The following MID2 variants were observed in gnomAD, a reference collection of about 807,000 sequenced individuals.
The protein encoded by MID2 is probable E3 ubiquitin-protein ligase MID2.
MID2 carries 13 observed loss-of-function variants against 46.1 expected under a neutral mutation model. The observed-to-expected ratio is 0.28, with a 90% CI of 0.18 to 0.45. The LOEUF is 0.45. Among genes scored for constraint, MID2 ranks in the 20% least tolerant of loss-of-function variants. The pLI, the probability that MID2 is intolerant of heterozygous loss-of-function variation, is 1.00. For missense variants in MID2, 431 were observed against 575.4 expected, an observed-to-expected ratio of 0.75 and a Z score of 2.57; for synonymous variants, 199 against 212.3, an observed-to-expected ratio of 0.94 and a Z score of 0.55.
intron 3 of MID2, among the ~76,000 whole-genome samples, chrX:107,861,662 A>G (rs1180026188): frequency 8.9e-6 from 1 of 112,594 alleles, no homozygotes; most frequent in Non-Finnish European, 1.9e-5. Context: ...GCAGGTTGCA[A>G]GAAGTTTGAT....
intron 1 of MID2, among the ~76,000 whole-genome samples, chrX:107,831,503 G>T (rs764815739): frequency 6.2e-5 from 7 of 112,040 alleles, no homozygotes; most frequent in East Asian, 2.8e-4. Context: ...TAGAAAAATG[G>T]TTTACGATCC....
chrX:107,914,668 G>A (rs554539610), intron 5 of MID2, among the ~76,000 whole-genome samples: 1 of 112,031 alleles, frequency 8.9e-6, no homozygotes, highest in African/African-American at 3.2e-5. Flanking sequence ...ACATGTTCAA[G>A]GATCTCATTG....
chrX:107,865,935 T>C (rs1447709180), intron 3 of MID2, among the ~76,000 whole-genome samples: 1 of 112,679 alleles, frequency 8.9e-6, no homozygotes, highest in Non-Finnish European at 1.9e-5. Context: ...AAAGATGTCT[T>C]ATTAGAAAAA....
intron 3 of MID2, among the ~76,000 whole-genome samples, chrX:107,874,788 G>A (rs954255631): frequency 9.0e-6 from 1 of 111,675 alleles, no homozygotes; most frequent in African/African-American, 3.3e-5. Flanking sequence ...TCAGTTGCTT[G>A]AGGGTTTTGG....
intron 2 of MID2, among the ~76,000 whole-genome samples, chrX:107,846,556 C>T (rs1382205285): frequency 1.8e-5 from 2 of 111,221 alleles, no homozygotes; most frequent in Admixed American, 9.5e-5. Context: ...TAAATCTGTA[C>T]ATATTTCATG....
intron 3 of MID2, among the ~76,000 whole-genome samples, chrX:107,901,683 T>A (rs1027780025): frequency 3.6e-5 from 4 of 111,364 alleles, no homozygotes; most frequent in Admixed American, 2.9e-4. Context: ...AATGGTATAA[T>A]TGAACTATAT....
intron 2 of MID2, among the ~76,000 whole-genome samples, chrX:107,845,492 A>AACACACAC (rs1177184448): frequency 1.2e-5 from 1 of 86,540 alleles, no homozygotes. Flanking sequence ...ATGGGAAAGT[A>AACACACAC]ACACACACAC....
chrX:107,923,454 G>GCCTA (rs2147875213), intron 7 of MID2, among the ~76,000 whole-genome samples: 1 of 111,975 alleles, frequency 8.9e-6, no homozygotes, highest in Non-Finnish European at 1.9e-5. Flanking sequence ...AAAAGCAGAA[G>GCCTA]CCTAGTTCTC....
At chrX:107,858,264 T>C (rs1470814850) in intron 3 of MID2, among the ~76,000 whole-genome samples, 1 of 111,869 alleles carries the variant, frequency 8.9e-6, no homozygotes, top group Non-Finnish European at 1.9e-5. Context: ...GCTCCAAGAC[T>C]CCCTTTAATC....
Position 107,858,918 on chromosome X carries a change from C to T in MID2, c.816+4214C>T, listed in dbSNP as rs757730232. Among the ~76,000 whole-genome samples, 3 of 111,930 alleles carry T rather than the reference C, an allele frequency of 2.7e-5. No individual in the cohort carries two copies. In the East Asian group the frequency reaches 8.4e-4, roughly 31 times the overall value. ...AATCCTTTTAAAGAGCTGGACGGCA[C>T]TGCTCTTTAGCATTAGGAGAAAGAA... is the stretch of plus-strand genomic sequence containing the variant. On this transcript the variant is annotated intron_variant, in intron 3 of 9. Transcript: ENST00000262843.
At chrX:107,899,954 C>G (rs2147860866) in intron 3 of MID2, among the ~76,000 whole-genome samples, 1 of 111,957 alleles carries the variant, frequency 8.9e-6, no homozygotes, top group Non-Finnish European at 1.9e-5. Flanking sequence ...CAGGGGCTTT[C>G]AAATGTCTTC....
chrX:107,906,385 C>T (rs767421863), intron 5 of MID2, among the ~76,000 whole-genome samples: 5 of 111,362 alleles, frequency 4.5e-5, no homozygotes, highest in Non-Finnish European at 9.4e-5. Flanking sequence ...ACATGGCTGA[C>T]TCATCTAATG....
chrX:107,900,742 A>G (rs1932788981), intron 3 of MID2, among the ~76,000 whole-genome samples: 1 of 111,990 alleles, frequency 8.9e-6, no homozygotes, highest in African/African-American at 3.2e-5. Context: ...CTTCCATTTC[A>G]TCCATGCATC....
At chrX:107,861,679 G>A (rs1931857982) in intron 3 of MID2, among the ~76,000 whole-genome samples, 1 of 112,493 alleles carries the variant, frequency 8.9e-6, no homozygotes, top group Non-Finnish European at 1.9e-5. Context: ...TGATCACGAA[G>A]GTGAAGCAAG....
chrX:107,913,447 A>C (rs1372576830), intron 5 of MID2, among the ~76,000 whole-genome samples: 1 of 112,191 alleles, frequency 8.9e-6, no homozygotes, highest in Non-Finnish European at 1.9e-5. Flanking sequence ...GTGTCAAAGA[A>C]GACTTATATT....
At chrX:107,889,550 C>T (rs1932548037) in intron 3 of MID2, among the ~76,000 whole-genome samples, 2 of 111,483 alleles carry the variant, frequency 1.8e-5, no homozygotes, top group African/African-American at 6.5e-5. Flanking sequence ...CTGCCCTTAA[C>T]ATTTTTTCCT....
chrX:107,832,540 G>A (rs1034691409), intron 1 of MID2, among the ~76,000 whole-genome samples: 4 of 111,372 alleles, frequency 3.6e-5, no homozygotes, highest in Middle Eastern at 9.3e-3. Context: ...ACAATAGCCC[G>A]TGAGATGGGC....
intron 3 of MID2, chrX:107,896,001 G>A (rs184141966): frequency 8.9e-6 from 1 of 112,311 alleles, no homozygotes; most frequent in Non-Finnish European, 1.9e-5. Context: ...TTATAGCTAT[G>A]TACATAAAAT....
chrX:107,890,627 C>G (rs1409441903), intron 3 of MID2, among the ~76,000 whole-genome samples: 2 of 112,025 alleles, frequency 1.8e-5, no homozygotes. Flanking sequence ...CTGGGAGAAC[C>G]ACTCCTCTCT....
Sources: allele counts gnomAD v4.1 joint callset (sites outside exome capture counted in the v4.1 genomes callset), GRCh38; gene constraint gnomAD v4.1.1; transcripts MANE v1.5; gene names NCBI Gene and HGNC (gene_info 2026-07-23, HGNC 2026-07-21).